Variants in FKBP7 observed in about 807,000 individuals in gnomAD.
FKBP7 encodes the protein FKBP prolyl isomerase 7, also known as peptidyl-prolyl cis-trans isomerase FKBP7.
FKBP7 carries 24 observed loss-of-function variants against 24.3 expected under a neutral mutation model. That is an observed-to-expected ratio of 0.99 (90% CI 0.72 to 1.39). The LOEUF (loss-of-function observed/expected upper bound fraction) is 1.39. FKBP7 is among the 40% of genes most tolerant of loss of function. The pLI is 0.00. For synonymous variants in FKBP7, 98 were observed against 92.8 expected, an observed-to-expected ratio of 1.06 and a Z score of -0.32; for missense variants, 257 against 269.5, an observed-to-expected ratio of 0.95 and a Z score of 0.33.
At chr2:178,474,477 C>T (rs1373353132) in intron 2 of FKBP7, among the ~76,000 whole-genome samples, 1 of 152,194 alleles carries the variant, frequency 6.6e-6, no homozygotes, top group African/African-American at 2.4e-5. Flanking sequence ...CCTGAGGCCT[C>T]CTTCCCAGGA....
intron 2 of FKBP7, among the ~76,000 whole-genome samples, chr2:178,471,428 G>T (rs941716146): frequency 6.6e-6 from 1 of 151,926 alleles, no homozygotes; most frequent in Admixed American, 6.6e-5. Flanking sequence ...GGCCAGGCTG[G>T]TCTCAAACTC....
At chr2:178,471,813 T>C (rs990151577) in intron 2 of FKBP7, among the ~76,000 whole-genome samples, 6 of 152,244 alleles carry the variant, frequency 3.9e-5, no homozygotes, top group Non-Finnish European at 7.3e-5. Flanking sequence ...TTGTGAGTTA[T>C]AGCCAAAAGG....
At chr2:178,471,946 G>C (rs1484816166) in intron 2 of FKBP7, among the ~76,000 whole-genome samples, 1 of 152,192 alleles carries the variant, frequency 6.6e-6, no homozygotes, top group Admixed American at 6.5e-5. Flanking sequence ...AGAAGAGCTA[G>C]AGATTGAGTC....
Position 178,463,665 on chromosome 2 carries a change from T to G in FKBP7, c.*2105A>C, listed in dbSNP as rs976498161. The G allele has an allele frequency of 3.9e-5, 6 of 152,234 alleles. No individual in the cohort carries two copies. Among genetic ancestry groups the G allele is most frequent in the Admixed American group, 2.6e-4 (4 of 15,288 alleles). 9.4% of individuals were successfully genotyped at this position (152,234 alleles called of 1,614,324 possible). A position where few individuals can be genotyped will look rare whatever the true frequency, so the allele number is the denominator to read the frequency against. On this transcript the variant is annotated 3_prime_UTR_variant, in exon 4 of 4. Coordinates refer to ENST00000424785, the MANE Select transcript of FKBP7 (RefSeq NM_181342.3). The stretch of plus-strand genomic sequence containing the variant: ...TATATGAAATACTTGTACACTGTAT[T>G]GTATGTAGAATGATTATAAATTTAT...
chr2:178,474,218 GT>G (rs1684937283), intron 2 of FKBP7, among the ~76,000 whole-genome samples: 1 of 152,142 alleles, frequency 6.6e-6, no homozygotes, highest in African/African-American at 2.4e-5. Flanking sequence ...TCTAAATAGG[GT>G]AAGGAGGCAA....
At position 178,465,597 on chromosome 2, in the gene FKBP7, A is replaced by G; in HGVS notation, c.*173T>C. 2.0e-6 allele frequency: 1 copy of G among 503,476 alleles called. No individual in the cohort carries two copies. Among genetic ancestry groups the G allele is most frequent in the Admixed American group, 4.1e-5 (1 of 24,570 alleles). The allele number at this position is 503,476 out of a possible 1,614,324, so 31.2% of individuals were successfully genotyped here. On this transcript the variant is annotated 3_prime_UTR_variant, in exon 4 of 4. Coordinates refer to ENST00000424785, the MANE Select transcript of FKBP7 (RefSeq NM_181342.3). ...GAAACACAGTCATACCATTCCTGCAAGTTAAGTTTGCAAAACAGCCTCACA... is the reference window on the plus strand; with the variant it reads ...GAAACACAGTCATACCATTCCTGCAGGTTAAGTTTGCAAAACAGCCTCACA...
intron 3 of FKBP7, among the ~76,000 whole-genome samples, chr2:178,468,182 G>C (rs546625958): frequency 6.6e-6 from 1 of 152,308 alleles, no homozygotes; most frequent in Non-Finnish European, 1.5e-5. Flanking sequence ...TTATGTGGTA[G>C]AGTTACACAT....
At chr2:178,473,193 A>C in intron 2 of FKBP7, 1 of 756,708 alleles carries the variant, frequency 1.3e-6, no homozygotes, top group South Asian at 1.4e-5. Context: ...CTTACTTTTA[A>C]ATGCTTATTT....
chr2:178,473,247 G>A, intron 2 of FKBP7: 1 of 434,684 alleles, frequency 2.3e-6, no homozygotes, highest in South Asian at 1.8e-5. Flanking sequence ...GGTCTACACT[G>A]CAACTTTTAA....
chr2:178,471,111 T>C (rs1684838187), intron 2 of FKBP7, among the ~76,000 whole-genome samples: 1 of 151,692 alleles, frequency 6.6e-6, no homozygotes, highest in South Asian at 2.1e-4. Flanking sequence ...GTGATCCGCT[T>C]GCCTTGGCCT....
intron 2 of FKBP7, among the ~76,000 whole-genome samples, chr2:178,474,263 C>T (rs537379557): frequency 1.3e-5 from 2 of 152,268 alleles, no homozygotes; most frequent in East Asian, 1.9e-4. Context: ...AGCAGCAACA[C>T]GGAGCAAGAA....
Position 178,463,820 on chromosome 2 carries a change from G to A in FKBP7, c.*1950C>T, listed in dbSNP as rs1684585078. 6.6e-6 allele frequency: 1 copy of A among 152,146 alleles called. No homozygotes were observed. The highest frequency in any genetic ancestry group is 1.5e-5 in the Non-Finnish European group (1 of 68,012). The allele number at this position is 152,146 out of a possible 1,614,324, so 9.4% of individuals were successfully genotyped here. A position where few individuals can be genotyped will look rare whatever the true frequency, so the allele number is the denominator to read the frequency against. The stretch of plus-strand genomic sequence containing the variant: ...GGGACAAAAAAATTAGAATTACAAA[G>A]TTTAGATTATAGGGTGACTTCTTAA... On this transcript the variant is annotated 3_prime_UTR_variant, in exon 4 of 4. Coordinates refer to ENST00000424785, the MANE Select transcript of FKBP7 (RefSeq NM_181342.3).
chr2:178,473,840 T>C (rs1244991187), intron 2 of FKBP7, among the ~76,000 whole-genome samples: 1 of 152,262 alleles, frequency 6.6e-6, no homozygotes, highest in African/African-American at 2.4e-5. Flanking sequence ...TCAATTTTCC[T>C]TCTCTTTCTC....
chr2:178,478,561 G>C lies in FKBP7; in HGVS notation c.-62C>G. On this transcript the variant is annotated 5_prime_UTR_variant, in exon 1 of 4. Coordinates refer to ENST00000424785, the MANE Select transcript of FKBP7 (RefSeq NM_181342.3). Reference sequence around the variant, plus strand: ...CACTCGCGCCCCGTGGATGTCCCGCGGCCGAGTTCCGACGCGTGGCAGGCG... The same window carrying C: ...CACTCGCGCCCCGTGGATGTCCCGCCGCCGAGTTCCGACGCGTGGCAGGCG... 6.3e-7 allele frequency: 1 copy of C among 1,598,568 alleles called. No homozygotes were observed. Among genetic ancestry groups the C allele is most frequent in the Non-Finnish European group, 8.5e-7 (1 of 1,174,030 alleles).
intron 2 of FKBP7, chr2:178,473,120 A>G (rs2154126993): frequency 7.7e-7 from 1 of 1,303,622 alleles, no homozygotes; most frequent in African/African-American, 1.5e-5. Flanking sequence ...ATTTTGCAGA[A>G]GAAAGACTTC....
chr2:178,471,670 C>G (rs1055939592), intron 2 of FKBP7, among the ~76,000 whole-genome samples: 2 of 152,120 alleles, frequency 1.3e-5, no homozygotes, highest in Admixed American at 1.3e-4. Flanking sequence ...ACAGGCAGTC[C>G]AATATTTGCC....
chr2:178,472,389 C>T (rs1684870872), intron 2 of FKBP7, among the ~76,000 whole-genome samples: 1 of 151,932 alleles, frequency 6.6e-6, no homozygotes, highest in Admixed American at 6.6e-5. Context: ...ACTTGAATTT[C>T]TTAAGAAAAA....
chr2:178,469,916 A>AT, intron 2 of FKBP7, 131 bp from the exon 3 acceptor site: 1 of 654,868 alleles, frequency 1.5e-6, no homozygotes, highest in Non-Finnish European at 2.2e-6. Context: ...ACAATTTTTA[A>AT]TTTTTTCTCA....
intron 2 of FKBP7, chr2:178,472,927 T>TAA: frequency 4.5e-6 from 1 of 220,228 alleles, no homozygotes; most frequent in Non-Finnish European, 8.2e-6. Context: ...TAAAAAAAAC[T>TAA]AAAGTATAAA....
Sources: allele counts gnomAD v4.1 joint callset (sites outside exome capture counted in the v4.1 genomes callset), GRCh38; gene constraint gnomAD v4.1.1; transcripts MANE v1.5; gene names NCBI Gene and HGNC (gene_info 2026-07-23, HGNC 2026-07-21).